Variants in SCLT1 observed in about 807,000 individuals in gnomAD.
SCLT1 encodes the protein sodium channel and clathrin linker 1.
SCLT1 carries 78 observed loss-of-function variants against 112.8 expected under a neutral mutation model. The ratio of observed to expected loss-of-function variants is 0.69; its 90% CI spans 0.58 to 0.83. The LOEUF (loss-of-function observed/expected upper bound fraction) is 0.83, where lower values mean the gene tolerates loss of function less well. Ranked by LOEUF, SCLT1 falls within the 40% of genes least tolerant of loss-of-function variation. The probability of loss-of-function intolerance (pLI) is 0.00; values close to 1 mark genes in which losing one functional copy is unlikely to be tolerated. For synonymous variants in SCLT1, 257 were observed against 254.7 expected (o/e 1.01, Z -0.09); for missense variants, 747 against 770.4 (o/e 0.97, Z 0.36).
downstream of SCLT1, among the ~76,000 whole-genome samples, chr4:128,880,531 T>A (rs574343517): frequency 1.1e-4 from 16 of 152,280 alleles, no homozygotes; most frequent in Admixed American, 4.6e-4. Context: ...TTAAATTTAA[T>A]AGGGATAAAT....
intron 2 of SCLT1, among the ~76,000 whole-genome samples, chr4:129,072,861 G>C (rs931394042): frequency 6.6e-6 from 1 of 151,894 alleles, no homozygotes; most frequent in African/African-American, 2.4e-5. Context: ...TGATTCTTGG[G>C]GGGTGCTGAA....
chr4:129,050,411 T>A (rs1748667489), intron 2 of SCLT1, among the ~76,000 whole-genome samples: 1 of 152,200 alleles, frequency 6.6e-6, no homozygotes, highest in Non-Finnish European at 1.5e-5. Context: ...GTTTCTTGAC[T>A]TTTTAATGAT....
At chr4:128,988,571 G>A (rs1055909033) in intron 9 of SCLT1, among the ~76,000 whole-genome samples, 1 of 151,816 alleles carries the variant, frequency 6.6e-6, no homozygotes, top group Non-Finnish European at 1.5e-5. Flanking sequence ...GGAAGGAAGA[G>A]AGGACCAACA....
Position 129,005,442 on chromosome 4 carries a change from A to C in SCLT1, c.291-1566T>G, listed in dbSNP as rs780231861. ...GCTCATCATCACTGGCCATCAGAGA[A>C]ATGCAAATCAAAACCACAATGAGAT... On this transcript the variant is annotated intron_variant, in intron 5 of 20. Transcript: ENST00000281142. Among the ~76,000 whole-genome samples the C allele has an allele frequency of 1.1e-4, 16 of 152,342 alleles. No homozygotes were observed. The South Asian group carries it at 1.2e-3, about 12-fold the overall frequency.
rs1454743715 is a variant in SCLT1 at position 128,970,394 on chromosome 4, C to T, written c.761G>A (p.Gly254Glu). Reference sequence around the variant, plus strand: ...AGAAAATACCTTCTTTTTCATCTGTCCCTGCAGATCTTCAGTCACATTAGT... The same window carrying T: ...AGAAAATACCTTCTTTTTCATCTGTTCCTGCAGATCTTCAGTCACATTAGT... Reference protein sequence around the residue: ...ELTNVTEDLQGQMKKKEKDVV... With the variant: ...ELTNVTEDLQEQMKKKEKDVV... Residue 254 changes from glycine (G) to glutamate (E), a missense_variant, in exon 10 of 21, where the codon GGA (glycine) becomes GAA (glutamate). Around this residue, in one of 2 missense-constraint regions of SCLT1, gnomAD observed 723 missense variants for 721.3 expected, o/e 1.00. Transcript: ENST00000281142. 1.9e-6 allele frequency: 3 copies of T among 1,588,286 alleles called. No homozygotes were observed. Among genetic ancestry groups the T allele is most frequent in the Middle Eastern group, 1.7e-4 (1 of 6,024 alleles).
intron 5 of SCLT1, among the ~76,000 whole-genome samples, chr4:129,036,347 A>G (rs1747179061): frequency 6.6e-6 from 1 of 152,120 alleles, no homozygotes; most frequent in Non-Finnish European, 1.5e-5. Context: ...AATAATATAA[A>G]GTCCAATATA....
At chr4:129,090,997 T>C (rs1752779455) in intron 1 of SCLT1, among the ~76,000 whole-genome samples, 1 of 152,174 alleles carries the variant, frequency 6.6e-6, no homozygotes. Context: ...ACAAATGGTC[T>C]TGACCTGGGC....
intron 9 of SCLT1, among the ~76,000 whole-genome samples, chr4:128,982,319 A>G (rs1741728795): frequency 6.6e-6 from 1 of 152,242 alleles, no homozygotes; most frequent in African/African-American, 2.4e-5. Flanking sequence ...GGGTCAAATT[A>G]AAACAACTTT....
chr4:129,050,872 T>C (rs1317609628), intron 2 of SCLT1, among the ~76,000 whole-genome samples: 1 of 152,196 alleles, frequency 6.6e-6, no homozygotes, highest in African/African-American at 2.4e-5. Context: ...GGCTTTTAAA[T>C]CTTTAAACCA....
chr4:128,888,623 C>T (rs1733073110), intron 20 of SCLT1, 56 bp downstream of exon 20: 8 of 1,004,088 alleles, frequency 8.0e-6, no homozygotes, highest in African/African-American at 1.6e-5. Context: ...CTGGGAACTT[C>T]TAAAAAACTT....
intron 4 of SCLT1, chr4:129,040,158 A>G (rs1310474009): frequency 2.8e-6 from 2 of 702,612 alleles, no homozygotes; most frequent in South Asian, 1.5e-5. Flanking sequence ...AGAATAGCAA[A>G]TTCTAACTAT....
intron 8 of SCLT1, among the ~76,000 whole-genome samples, chr4:128,995,528 T>C (rs1456744681): frequency 1.3e-5 from 2 of 152,232 alleles, no homozygotes; most frequent in Admixed American, 6.5e-5. Flanking sequence ...CTCACGTCCG[T>C]ACATTAGAGA....
chr4:129,025,938 C>T (rs1024799314), intron 5 of SCLT1, among the ~76,000 whole-genome samples: 5 of 152,038 alleles, frequency 3.3e-5, no homozygotes, highest in African/African-American at 1.2e-4. Flanking sequence ...CAACAAAGAT[C>T]AAAAGAGACA....
Position 128,877,674 on chromosome 4 carries a change from C to G in SCLT1, n.226-1038G>C, listed in dbSNP as rs1256974777. On this transcript the variant is annotated intron_variant and non_coding_transcript_variant, in intron 3 of 7. Coordinates refer to the SCLT1 transcript ENST00000503565. The stretch of plus-strand genomic sequence containing the variant: ...CCAGCCTGGGTGACAGAGTGAGACT[C>G]GGTCTCAAAAAAAAAAAAAGTTCAC... Among the ~76,000 whole-genome samples the G allele has an allele frequency of 3.3e-5, 5 of 150,320 alleles. No individual in the cohort carries two copies. In the South Asian group the frequency reaches 1.0e-3, roughly 31 times the overall value.
chr4:128,884,504 G>T lies in SCLT1; in HGVS notation c.2040C>A (p.Ala680=). 1 of 1,604,722 alleles carries T rather than the reference G, an allele frequency of 6.2e-7. No homozygotes were observed. Among genetic ancestry groups the T allele is most frequent in the Non-Finnish European group, 8.5e-7 (1 of 1,172,484 alleles). ...AAATATTTTCCAGATTCATCAGGGA[G>T]GCTGCTTTTCTTCTCTGCACTGTAA... is the stretch of plus-strand genomic sequence containing the variant. The part of the protein sequence containing the change: ...SVITVQRRKA[A]SLMNLENI Residue 680 remains alanine, a synonymous_variant, in exon 21 of 21, where the codon GCC becomes GCA. Transcript: ENST00000281142.
intron 1 of SCLT1, among the ~76,000 whole-genome samples, chr4:129,088,086 C>G (rs1196970398): frequency 6.9e-6 from 1 of 145,052 alleles, no homozygotes; most frequent in Non-Finnish European, 1.5e-5. Flanking sequence ...GATCCCGTCC[C>G]AAAAAGAAAA....
intron 2 of SCLT1, among the ~76,000 whole-genome samples, chr4:129,045,083 G>T (rs959430344): frequency 6.6e-6 from 1 of 151,904 alleles, no homozygotes; most frequent in African/African-American, 2.4e-5. Flanking sequence ...TTAGCTGCTA[G>T]CACATACTAA....
At position 129,038,774 on chromosome 4, in the gene SCLT1, GTACT is replaced by G. The variant is rs1186872882; in HGVS notation, c.290+263_290+266del. On this transcript the variant is annotated intron_variant, in intron 5 of 20. Transcript: ENST00000281142. ...GTGATTATTTTGTATGCTACTCCAA[GTACT>G]TACTTTATCCCTTACAGTCAGCCCT... 2.6e-5 allele frequency among the ~76,000 whole-genome samples: 4 copies of G among 152,022 alleles called. No individual in the cohort carries two copies. In the South Asian group the frequency reaches 8.3e-4, roughly 32 times the overall value.
intron 10 of SCLT1, among the ~76,000 whole-genome samples, chr4:128,967,089 G>A (rs1024420416): frequency 6.6e-6 from 1 of 152,066 alleles, no homozygotes; most frequent in African/African-American, 2.4e-5. Flanking sequence ...GCTCCCACTT[G>A]TAAGTGAGGA....
Sources: gnomAD v4.1 joint callset for allele counts (sites outside exome capture counted in the v4.1 genomes callset) on GRCh38, gnomAD v4.1.1 for gene constraint, gnomAD v4.1.1 regional missense constraint, MANE v1.5 for transcripts, NCBI Gene and HGNC (gene_info 2026-07-23, HGNC 2026-07-21) for gene names.